CLVS1: variants seen among roughly 807,000 people sequenced by gnomAD.
CLVS1 encodes clavesin 1.
Under a neutral mutation model 33.1 loss-of-function variants are expected in CLVS1, and 10 were observed. The ratio of observed to expected loss-of-function variants is 0.30; its 90% CI spans 0.19 to 0.51. The LOEUF (loss-of-function observed/expected upper bound fraction) is 0.51, where lower values mean the gene tolerates loss of function less well. Ranked by LOEUF, CLVS1 falls within the 20% of genes least tolerant of loss-of-function variation. The probability of loss-of-function intolerance (pLI) is 0.97; values close to 1 mark genes in which losing one functional copy is unlikely to be tolerated. For missense variants in CLVS1, 343 were observed against 433.4 expected, an observed-to-expected ratio of 0.79 and a Z score of 1.85; for synonymous variants, 163 against 166.1, an observed-to-expected ratio of 0.98 and a Z score of 0.14.
the CLVS1 span, among the ~76,000 whole-genome samples, chr8:61,017,351 G>A: frequency 6.6e-6 from 1 of 152,234 alleles, no homozygotes; most frequent in Non-Finnish European, 1.5e-5. Context: ...TATGCCGTGG[G>A]TGCCTTCGCA....
At chr8:61,452,845 T>C (rs1285421893) in intron 3 of CLVS1, among the ~76,000 whole-genome samples, 2 of 152,216 alleles carry the variant, frequency 1.3e-5, no homozygotes, top group African/African-American at 2.4e-5. Flanking sequence ...TTTTTAAAGT[T>C]TTTCAAATGG....
intron 3 of CLVS1, among the ~76,000 whole-genome samples, chr8:61,379,171 G>T (rs1230399852): frequency 6.6e-6 from 1 of 152,172 alleles, no homozygotes; most frequent in Non-Finnish European, 1.5e-5. Flanking sequence ...GTGTTCCAGT[G>T]CAGAGAACTT....
the CLVS1 span, among the ~76,000 whole-genome samples, chr8:61,011,045 G>T: frequency 6.6e-6 from 1 of 152,214 alleles, no homozygotes; most frequent in Non-Finnish European, 1.5e-5. Context: ...TCCCGTCACC[G>T]CTGTAATGGG....
chr8:61,339,748 AAGG>A (rs1322740105), intron 2 of CLVS1, among the ~76,000 whole-genome samples: 212 of 150,038 alleles, frequency 1.4e-3, no homozygotes, highest in African/African-American at 4.8e-3. Flanking sequence ...AGAAAGAGAG[AAGG>A]AGGGAGGGAG....
chr8:61,217,785 T>C (rs1808121436), intron 2 of CLVS1, among the ~76,000 whole-genome samples: 2 of 152,254 alleles, frequency 1.3e-5, no homozygotes, highest in South Asian at 4.1e-4. Context: ...ATCCAGAATA[T>C]ACAAGGAACT....
rs113368678 is a variant in CLVS1, at chr8:61,411,518, C to G, written c.630+34739C>G. 5.0e-3 allele frequency among the ~76,000 whole-genome samples: 757 copies of G among 152,300 alleles called. 4 individuals carry two copies. The highest frequency in any genetic ancestry group is 0.017 in the African/African-American group (690 of 41,556). On this transcript the variant is annotated intron_variant, in intron 3 of 5. Transcript: ENST00000325897. Reference sequence around the variant, plus strand: ...ATAAGATAGAGAAATAAATTAAACACACAGGAAGAAAACTTCAAAAACCCT... The same window carrying G: ...ATAAGATAGAGAAATAAATTAAACAGACAGGAAGAAAACTTCAAAAACCCT...
chr8:60,986,128 C>T, the CLVS1 span, among the ~76,000 whole-genome samples: 1 of 152,136 alleles, frequency 6.6e-6, no homozygotes, highest in Non-Finnish European at 1.5e-5. Flanking sequence ...ATTGTAGATG[C>T]AAAGGTTATG....
chr8:61,294,687 C>T (rs1810127205), intron 1 of CLVS1, among the ~76,000 whole-genome samples: 1 of 152,114 alleles, frequency 6.6e-6, no homozygotes, highest in Non-Finnish European at 1.5e-5. Flanking sequence ...CATACATATA[C>T]ATATTTTTAG....
At chr8:61,260,447 A>C (rs954732639) in intron 2 of CLVS1, among the ~76,000 whole-genome samples, 2 of 152,238 alleles carry the variant, frequency 1.3e-5, no homozygotes, top group Non-Finnish European at 2.9e-5. Context: ...GGCTGCTAGC[A>C]GACATCTGTT....
chr8:61,226,145 T>C (rs1483158366), intron 2 of CLVS1, among the ~76,000 whole-genome samples: 6 of 152,232 alleles, frequency 3.9e-5, no homozygotes, highest in Admixed American at 2.0e-4. Flanking sequence ...AACATAATCA[T>C]TGTGCTTGTT....
At chr8:61,438,861 T>C (rs1816440032) in intron 3 of CLVS1, among the ~76,000 whole-genome samples, 1 of 152,206 alleles carries the variant, frequency 6.6e-6, no homozygotes, top group Non-Finnish European at 1.5e-5. Context: ...CGTGAGATAA[T>C]ATGTATAAAA....
intron 1 of CLVS1, among the ~76,000 whole-genome samples, chr8:61,112,851 G>A (rs1170134581): frequency 6.6e-6 from 1 of 152,030 alleles, no homozygotes; most frequent in Non-Finnish European, 1.5e-5. Context: ...TAAAAGATTG[G>A]AACAATCATG....
intron 2 of CLVS1, among the ~76,000 whole-genome samples, chr8:61,250,938 C>T (rs2129591609): frequency 6.6e-6 from 1 of 152,312 alleles, no homozygotes; most frequent in South Asian, 2.1e-4. Flanking sequence ...CTGGCCAGAA[C>T]TTCCAATACT....
chr8:61,214,745 G>C (rs1808049223), intron 2 of CLVS1, among the ~76,000 whole-genome samples: 1 of 152,162 alleles, frequency 6.6e-6, no homozygotes, highest in African/African-American at 2.4e-5. Context: ...TCAGATGCCT[G>C]GGGTAACTTT....
At chr8:61,046,699 C>A in the CLVS1 span, among the ~76,000 whole-genome samples, 1 of 152,032 alleles carries the variant, frequency 6.6e-6, no homozygotes, top group South Asian at 2.1e-4. Flanking sequence ...TGAAGAGGTC[C>A]TTCACGTCCC....
At chr8:61,074,467 T>TTATA (rs71559324) in intron 1 of CLVS1, among the ~76,000 whole-genome samples, 34 of 132,508 alleles carry the variant, frequency 2.6e-4, no homozygotes, top group Admixed American at 6.1e-4. Flanking sequence ...TATATATATG[T>TTATA]TATATATATA....
chr8:61,099,780 T>C (rs914824854), intron 1 of CLVS1, among the ~76,000 whole-genome samples: 7 of 152,232 alleles, frequency 4.6e-5, no homozygotes, highest in African/African-American at 1.7e-4. Context: ...ACTTCTAATG[T>C]GGGCAAACTA....
At chr8:61,372,728 T>C (rs1191671594) in intron 2 of CLVS1, among the ~76,000 whole-genome samples, 2 of 152,222 alleles carry the variant, frequency 1.3e-5, no homozygotes, top group Non-Finnish European at 2.9e-5. Flanking sequence ...TCATTGTTTT[T>C]TGATAAACTT....
At chr8:61,208,357 T>C (rs1470808147) in intron 2 of CLVS1, among the ~76,000 whole-genome samples, 1 of 152,204 alleles carries the variant, frequency 6.6e-6, no homozygotes, top group East Asian at 1.9e-4. Context: ...AAGAAAGGGC[T>C]CTGACAAAAT....
Sources: gnomAD v4.1 joint callset for allele counts (sites outside exome capture counted in the v4.1 genomes callset) on GRCh38, gnomAD v4.1.1 for gene constraint, MANE v1.5 for transcripts, NCBI Gene and HGNC (gene_info 2026-07-23, HGNC 2026-07-21) for gene names.